SLC25A47: variants seen among roughly 807,000 people sequenced by gnomAD.
SLC25A47 encodes HCC-down-regulated mitochondrial carrier protein.
Under a neutral mutation model 29.8 loss-of-function variants are expected in SLC25A47, and 30 were observed. The ratio of observed to expected loss-of-function variants is 1.01; its 90% confidence interval spans 0.75 to 1.36. The LOEUF (loss-of-function observed/expected upper bound fraction) is 1.36. Among genes scored for constraint, SLC25A47 ranks in the 40% most tolerant of loss-of-function variants. The pLI is 0.00. For synonymous variants in SLC25A47, 204 were observed against 197.8 expected, an observed-to-expected ratio of 1.03 and a Z score of -0.26; for missense variants, 430 against 441.9, an observed-to-expected ratio of 0.97 and a Z score of 0.24.
chr14:100,325,856 C>G (rs778042369), intron 2 of SLC25A47, 25 bp downstream of exon 2: 1 of 1,607,762 alleles, frequency 6.2e-7, no homozygotes. Context: ...AGCCCCCCAA[C>G]CATCCTAAGG....
intron 4 of SLC25A47, among the ~76,000 whole-genome samples, chr14:100,328,158 C>T (rs974379662): frequency 4.8e-5 from 7 of 146,812 alleles, no homozygotes; most frequent in Admixed American, 1.4e-4. Flanking sequence ...GTTACCCAGG[C>T]CAGTGTTTAG....
chr14:100,325,998 C>A (rs1893332671), intron 2 of SLC25A47, 159 bp from the exon 3 acceptor site: 3 of 963,460 alleles, frequency 3.1e-6, no homozygotes, highest in East Asian at 2.6e-5. Flanking sequence ...CACCCCTGTG[C>A]CCCAGGTTTC....
rs978965216 is a variant in SLC25A47 at position 100,329,462 on chromosome 14, C to T, written c.744C>T (p.Asp248=). 5.6e-6 allele frequency: 9 copies of T among 1,613,366 alleles called. No individual in the cohort carries two copies. Among genetic ancestry groups the T allele is most frequent in the South Asian group, 3.3e-5 (3 of 91,088 alleles). ...TGATCAAGTCGAGACTGCAGGCAGA[C>T]GGGCAGGGCCAGAGGCGCTACCGGG... is the stretch of plus-strand genomic sequence containing the variant. ...MDVIKSRLQA[D]GQGQRRYRGL... Residue 248 remains aspartate (D), a synonymous_variant, in exon 6 of 6, where the codon GAC becomes GAT. Coordinates refer to ENST00000361529, the MANE Select transcript of SLC25A47 (RefSeq NM_207117.4).
rs537388407 is a variant in SLC25A47, at chr14:100,327,984, T to G, written c.327+614T>G. Among the ~76,000 whole-genome samples, 101 of 152,340 alleles carry G rather than the reference T, an allele frequency of 6.6e-4. 1 individual carries two copies. The highest frequency in any genetic ancestry group is 3.4e-3 in the Middle Eastern group (1 of 294). On this transcript the variant is annotated intron_variant, in intron 4 of 5. Coordinates refer to ENST00000361529, the MANE Select transcript of SLC25A47 (RefSeq NM_207117.4). ...GGCAAGCAAGGGAGACTCTTGGAGC[T>G]TCTGTCTCTCCATCTGTAAGAGGCA...
intron 4 of SLC25A47, among the ~76,000 whole-genome samples, chr14:100,327,940 C>T (rs890675181): frequency 6.6e-6 from 1 of 152,212 alleles, no homozygotes; most frequent in African/African-American, 2.4e-5. Flanking sequence ...CTCTGACCCT[C>T]ATGAGCTGAG....
rs542549520 is a variant in SLC25A47 at position 100,326,206 on chromosome 14, G to A, written c.122G>A (p.Arg41Gln). Residue 41 changes from arginine (R) to glutamine (Q), a missense_variant, in exon 3 of 6, where the codon CGG becomes CAG. Physicochemically the swap from Arg to Gln is conservative, Grantham distance 43. Transcript: ENST00000361529. Reference sequence around the variant, plus strand: ...TACACAGGCATCTGGCACTGCGTCCGGGATACGTATCACCGAGAGCGCGTA... The same window carrying A: ...TACACAGGCATCTGGCACTGCGTCCAGGATACGTATCACCGAGAGCGCGTA... ...PKYTGIWHCV[R>Q]DTYHRERVWG... 1.2e-5 allele frequency: 20 copies of A among 1,613,848 alleles called. No individual in the cohort carries two copies. In the East Asian group the frequency reaches 2.7e-4, roughly 22 times the overall value.
rs925413269 is a variant in SLC25A47 at position 100,327,106 on chromosome 14, C to A, written c.145-82C>A. 4.4e-6 allele frequency: 6 copies of A among 1,359,078 alleles called. No individual in the cohort carries two copies. The Admixed American group carries it at 9.2e-5, about 21-fold the overall frequency. 84.2% of individuals were successfully genotyped at this position (1,359,078 alleles called of 1,614,324 possible). On this transcript the variant is annotated intron_variant, in intron 3 of 5. Coordinates refer to ENST00000361529, the MANE Select transcript of SLC25A47 (RefSeq NM_207117.4). ...CTTCCCGAGGTCCGACAGCGGAGTG[C>A]GGAGCAGGGCTGAGTGTGGGCTCCC...
intron 4 of SLC25A47, among the ~76,000 whole-genome samples, chr14:100,328,456 C>T (rs144609308): frequency 3.3e-4 from 51 of 152,348 alleles, no homozygotes; most frequent in African/African-American, 9.9e-4. Context: ...CGTTCTTGAA[C>T]CTGGGTCATG....
rs143013015 is a variant in SLC25A47 at position 100,329,478 on chromosome 14, C to T, written c.760C>T (p.Arg254Cys). 37 of 1,613,304 alleles carry T rather than the reference C, an allele frequency of 2.3e-5. No individual in the cohort carries two copies. Among genetic ancestry groups the T allele is most frequent in the Middle Eastern group, 1.6e-4 (1 of 6,082 alleles). Residue 254 changes from arginine (R) to cysteine (C), a missense_variant, in exon 6 of 6, where the codon CGC (arginine) becomes TGC (cysteine). By Grantham distance (180) the Arg-to-Cys change is radical (BLOSUM62 -3). Transcript: ENST00000361529. Reference sequence around the variant, plus strand: ...GCAGGCAGACGGGCAGGGCCAGAGGCGCTACCGGGGTCTCCTGCACTGTAT... The same window carrying T: ...GCAGGCAGACGGGCAGGGCCAGAGGTGCTACCGGGGTCTCCTGCACTGTAT... ...RLQADGQGQR[R>C]YRGLLHCMVT...
intron 1 of SLC25A47, among the ~76,000 whole-genome samples, chr14:100,323,704 G>A (rs1893288869): frequency 6.6e-6 from 1 of 152,086 alleles, no homozygotes; most frequent in Non-Finnish European, 1.5e-5. Flanking sequence ...TCTAGGCATG[G>A]GGGCCGCTCG....
chr14:100,329,645 G>A lies in SLC25A47; in HGVS notation c.927G>A (p.Ter309=). 2.5e-6 allele frequency: 4 copies of A among 1,604,176 alleles called. No homozygotes were observed. The highest frequency in any genetic ancestry group is 3.4e-6 in the Non-Finnish European group (4 of 1,174,256). ...GGCTCGCCCGGGGTCTGCTCACATA[G>A]CCGGTCCCCACGCCCAGCGGCCCAC... is the stretch of plus-strand genomic sequence containing the variant. ...VLRLARGLLT[*] is the part of the protein sequence containing the mutation. The change falls in exon 6 of 6, where the codon TAG becomes TAA. Residue 309 remains the stop codon, a stop_retained_variant. Coordinates refer to ENST00000361529, the MANE Select transcript of SLC25A47 (RefSeq NM_207117.4).
rs147502680 is a variant in SLC25A47 at position 100,329,656 on chromosome 14, C to T, written c.*11C>T. ...GGTCTGCTCACATAGCCGGTCCCCA[C>T]GCCCAGCGGCCCACCCACCAGCAGC... On this transcript the variant is annotated 3_prime_UTR_variant, in exon 6 of 6. Coordinates refer to ENST00000361529, the MANE Select transcript of SLC25A47 (RefSeq NM_207117.4). 2,405 of 1,595,306 alleles carry T rather than the reference C, an allele frequency of 1.5e-3. 7 individuals are homozygous for T. Among genetic ancestry groups the T allele is most frequent in the South Asian group, 4.4e-3 (392 of 89,330 alleles).
intron 4 of SLC25A47, 71 bp from the exon 5 acceptor site, chr14:100,328,655 T>A: frequency 6.7e-7 from 1 of 1,485,088 alleles, no homozygotes; most frequent in Non-Finnish European, 9.4e-7. Flanking sequence ...AACATGAGGC[T>A]GGTGGGAGGC....
rs774467033 is a variant in SLC25A47, at chr14:100,329,676, A to G, written c.*31A>G. 3.1e-5 allele frequency: 49 copies of G among 1,585,354 alleles called. No individual in the cohort carries two copies. In the Middle Eastern group the frequency reaches 6.1e-4, roughly 20 times the overall value. On this transcript the variant is annotated 3_prime_UTR_variant, in exon 6 of 6. Coordinates refer to ENST00000361529, the MANE Select transcript of SLC25A47 (RefSeq NM_207117.4). ...CCCCACGCCCAGCGGCCCACCCACC[A>G]GCAGCTGCTGGAGGTCGTAGTGGCT...
intron 1 of SLC25A47, 74 bp downstream of exon 1, chr14:100,323,516 G>T: frequency 6.4e-7 from 1 of 1,574,364 alleles, no homozygotes; most frequent in South Asian, 1.1e-5. Flanking sequence ...GGTCCAGGAA[G>T]GTGCTGGGCA....
Position 100,327,211 on chromosome 14 carries a change from CT to C in SLC25A47, c.169del (p.Ser57ArgfsTer56). The C allele has an allele frequency of 6.2e-7, 1 of 1,608,634 alleles. No homozygotes were observed. Among genetic ancestry groups the C allele is most frequent in the Non-Finnish European group, 8.5e-7 (1 of 1,178,898 alleles). ...AGGTGTGGGGCTTCTACCGGGGCCT[CT>C]CGCTGCCCGTGTGCACGGTGTCCCT... ...ERVWGFYRGL[S>X]LPVCTVSLVS... On this transcript the variant is annotated frameshift_variant, in exon 4 of 6. Transcript: ENST00000361529. LOFTEE classifies it high-confidence loss of function.
chr14:100,327,133 C>T (rs754281273), intron 3 of SLC25A47, 55 bp from the exon 4 acceptor site: 30 of 1,521,776 alleles, frequency 2.0e-5, no homozygotes, highest in Admixed American at 3.9e-5. Flanking sequence ...TGGGCTCCCT[C>T]GGGTGGCTCC....
At chr14:100,326,296 G>T (rs1893339908) in intron 3 of SLC25A47, 68 bp downstream of exon 3, 10 of 1,439,610 alleles carry the variant, frequency 6.9e-6, no homozygotes, top group Non-Finnish European at 9.7e-6. Context: ...CCGCTGCCCA[G>T]CAGGTGATGC....
chr14:100,327,548 C>T (rs1893364828), intron 4 of SLC25A47, among the ~76,000 whole-genome samples, 178 bp downstream of exon 4: 1 of 152,178 alleles, frequency 6.6e-6, no homozygotes, highest in Admixed American at 6.5e-5. Context: ...CCTGGAACCC[C>T]TCAGCAGCAC....
Sources: gnomAD v4.1 joint callset for allele counts (sites outside exome capture counted in the v4.1 genomes callset) on GRCh38, gnomAD v4.1.1 for gene constraint, MANE v1.5 for transcripts, NCBI Gene and HGNC (gene_info 2026-07-23, HGNC 2026-07-21) for gene names.